Variants in HSD17B12 observed in about 807,000 individuals in gnomAD.
HSD17B12 encodes very-long-chain 3-oxoacyl-CoA reductase.
In HSD17B12, 32 loss-of-function variants were observed where a neutral mutation model predicts 39.3. The observed-to-expected ratio is 0.81, with a 90% CI of 0.61 to 1.09. The LOEUF (loss-of-function observed/expected upper bound fraction) is 1.09, where lower values mean the gene tolerates loss of function less well. HSD17B12 is among the 50% of genes least tolerant of loss of function. HSD17B12 has a pLI of 0.00. For missense variants in HSD17B12, 342 were observed against 382.9 expected (o/e 0.89, Z 0.89); for synonymous variants, 150 against 146.7 (o/e 1.02, Z -0.16).
intron 3 of HSD17B12, among the ~76,000 whole-genome samples, chr11:43,785,279 C>A (rs1950805178): frequency 6.6e-6 from 1 of 151,966 alleles, no homozygotes; most frequent in Non-Finnish European, 1.5e-5. Flanking sequence ...GGGATAACAA[C>A]AACAAAACAA....
intron 1 of HSD17B12, among the ~76,000 whole-genome samples, chr11:43,704,056 G>A (rs1949991574): frequency 1.3e-5 from 2 of 152,178 alleles, no homozygotes; most frequent in African/African-American, 4.8e-5. Context: ...TGGGCAAAGA[G>A]ATGCATTTGG....
chr11:43,843,108 A>T (rs1387494905), intron 9 of HSD17B12, among the ~76,000 whole-genome samples: 3 of 152,188 alleles, frequency 2.0e-5, no homozygotes, highest in African/African-American at 7.2e-5. Flanking sequence ...GTGTTTTGTC[A>T]TATGAATTCA....
intron 1 of HSD17B12, among the ~76,000 whole-genome samples, chr11:43,724,591 A>G (rs966585478): frequency 3.9e-5 from 6 of 152,134 alleles, no homozygotes; most frequent in African/African-American, 1.4e-4. Context: ...TTCCTGGTTC[A>G]CAGATGGTAC....
chr11:43,672,674 G>A, the HSD17B12 span, among the ~76,000 whole-genome samples: 1 of 151,988 alleles, frequency 6.6e-6, no homozygotes, highest in Non-Finnish European at 1.5e-5. Context: ...CTGAGTAGCT[G>A]GGATTACAGG....
intron 4 of HSD17B12, among the ~76,000 whole-genome samples, chr11:43,801,843 A>T (rs1950972481): frequency 6.6e-6 from 1 of 152,060 alleles, no homozygotes; most frequent in African/African-American, 2.4e-5. Context: ...GCTGCCTGGA[A>T]TAGATAGCAT....
chr11:43,832,604 C>T (rs1210063725), intron 7 of HSD17B12, among the ~76,000 whole-genome samples: 2 of 152,168 alleles, frequency 1.3e-5, no homozygotes, highest in African/African-American at 4.8e-5. Flanking sequence ...ACTGCTATCT[C>T]TGTAGACCTG....
At chr11:43,766,975 C>T (rs186960182) in intron 3 of HSD17B12, among the ~76,000 whole-genome samples, 20 of 152,254 alleles carry the variant, frequency 1.3e-4, no homozygotes, top group Non-Finnish European at 2.2e-4. Flanking sequence ...GTAGCATACC[C>T]ACCAATTAGT....
chr11:43,646,924 G>A, the HSD17B12 span, among the ~76,000 whole-genome samples: 1 of 152,150 alleles, frequency 6.6e-6, no homozygotes, highest in African/African-American at 2.4e-5. Flanking sequence ...GATTCATAAG[G>A]TTGTGTTTAC....
the HSD17B12 span, among the ~76,000 whole-genome samples, chr11:43,618,439 A>G: frequency 2.0e-5 from 3 of 152,212 alleles, no homozygotes; most frequent in Non-Finnish European, 4.4e-5. Context: ...AAAAACAAGA[A>G]ATATTCTTTT....
intron 1 of HSD17B12, among the ~76,000 whole-genome samples, chr11:43,748,881 AT>A (rs1950440343): frequency 6.6e-6 from 1 of 152,192 alleles, no homozygotes; most frequent in Non-Finnish European, 1.5e-5. Context: ...TCTATATATC[AT>A]GGTAACTAAC....
chr11:43,690,373 TATATATATATATATATA>T lies in HSD17B12; in HGVS notation c.160+9387_160+9403del, dbSNP rs1565049544. On this transcript the variant is annotated intron_variant, in intron 1 of 10. Transcript: ENST00000278353. ...TAAGGTATTCATACATATATATATA[TATATATATATATATATA>T]TATATATATATATATTTTTTTTTTT... Among the ~76,000 whole-genome samples, 37 of 14,200 alleles carry T rather than the reference TATATATATATATATATA, an allele frequency of 2.6e-3. 1 individual carries two copies. Among genetic ancestry groups the T allele is most frequent in the Non-Finnish European group, 3.8e-3 (34 of 8,914 alleles). 9.3% of individuals were successfully genotyped at this position (14,200 alleles called of 152,430 possible).
the HSD17B12 span, among the ~76,000 whole-genome samples, chr11:43,646,855 G>A: frequency 5.9e-5 from 9 of 152,138 alleles, no homozygotes. Flanking sequence ...ATATACAAAG[G>A]CAACAGTAGA....
chr11:43,805,321 T>A lies in HSD17B12; in HGVS notation c.391+6894T>A, dbSNP rs114138075. On this transcript the variant is annotated intron_variant, in intron 4 of 10. Transcript: ENST00000278353. Reference sequence around the variant, plus strand: ...GGAACTAGTATATTCAGTTTATTCCTTGTCTACTTCTTGCTGGGTCAGTTG... The same window carrying A: ...GGAACTAGTATATTCAGTTTATTCCATGTCTACTTCTTGCTGGGTCAGTTG... 9.2e-3 allele frequency among the ~76,000 whole-genome samples: 1,408 copies of A among 152,310 alleles called. 16 individuals are homozygous for A. Among genetic ancestry groups the A allele is most frequent in the African/African-American group, 0.033 (1,376 of 41,566 alleles).
intron 3 of HSD17B12, among the ~76,000 whole-genome samples, chr11:43,756,702 C>T (rs147045945): frequency 7.2e-5 from 11 of 152,244 alleles, no homozygotes; most frequent in Non-Finnish European, 1.3e-4. Context: ...ACCGTCTACT[C>T]GATACAGAAA....
At chr11:43,604,269 G>A in the HSD17B12 span, among the ~76,000 whole-genome samples, 1 of 151,954 alleles carries the variant, frequency 6.6e-6, no homozygotes, top group Admixed American at 6.6e-5. Flanking sequence ...ATTTATTTTG[G>A]CTGAGAGTTG....
the HSD17B12 span, among the ~76,000 whole-genome samples, chr11:43,598,829 C>T: frequency 1.3e-5 from 2 of 152,160 alleles, no homozygotes; most frequent in African/African-American, 4.8e-5. Context: ...ACCAGGCAAG[C>T]CAGCCATATA....
At chr11:43,561,589 G>A in the HSD17B12 span, among the ~76,000 whole-genome samples, 2 of 152,248 alleles carry the variant, frequency 1.3e-5, no homozygotes, top group South Asian at 2.1e-4. Flanking sequence ...ACCCTCCATC[G>A]TTGGTTGAGG....
At chr11:43,619,215 A>AAAT in the HSD17B12 span, among the ~76,000 whole-genome samples, 15 of 67,302 alleles carry the variant, frequency 2.2e-4, no homozygotes, top group East Asian at 4.5e-3. Context: ...ATATATATAA[A>AAAT]ATATATATAT....
the HSD17B12 span, among the ~76,000 whole-genome samples, chr11:43,590,540 T>TACTCTGTC: frequency 7.9e-6 from 1 of 126,284 alleles, no homozygotes; most frequent in Non-Finnish European, 1.6e-5. Context: ...GACAGAGTCT[T>TACTCTGTC]ACTCTGTCAC....
Sources: gnomAD v4.1 joint callset for allele counts (sites outside exome capture counted in the v4.1 genomes callset) on GRCh38, gnomAD v4.1.1 for gene constraint, MANE v1.5 for transcripts, NCBI Gene and HGNC (gene_info 2026-07-23, HGNC 2026-07-21) for gene names.